SERPINA11: variants seen among roughly 807,000 people sequenced by gnomAD.
SERPINA11 encodes the protein serpin family A member 11.
In SERPINA11, 28 loss-of-function variants were observed where a neutral mutation model predicts 29.4. The observed-to-expected ratio is 0.95, with a 90% confidence interval of 0.70 to 1.30. SERPINA11 has a LOEUF of 1.30. Ranked by LOEUF, SERPINA11 falls within the 50% of genes most tolerant of loss-of-function variation. The probability of loss-of-function intolerance (pLI) is 0.00; values close to 1 mark genes in which losing one functional copy is unlikely to be tolerated. For synonymous variants in SERPINA11, 253 were observed against 206.6 expected (o/e 1.22, Z -1.92); for missense variants, 530 against 507.3 (o/e 1.04, Z -0.43).
intron 1 of SERPINA11, among the ~76,000 whole-genome samples, chr14:94,450,059 A>G (rs1956721): frequency 0.68 from 103,995 of 151,970 alleles, 39,018 homozygotes; most frequent in South Asian, 0.86. Context: ...AAGTAGCAGG[A>G]CTGATGGAGC....
At chr14:94,444,991 C>A (rs1205734903) in intron 3 of SERPINA11, among the ~76,000 whole-genome samples, 3 of 152,196 alleles carry the variant, frequency 2.0e-5, no homozygotes, top group Non-Finnish European at 4.4e-5. Flanking sequence ...CATTTCCTGC[C>A]TTTGAAATAT....
At chr14:94,451,021 T>G (rs1221218801) in intron 1 of SERPINA11, among the ~76,000 whole-genome samples, 1 of 152,212 alleles carries the variant, frequency 6.6e-6, no homozygotes, top group Non-Finnish European at 1.5e-5. Flanking sequence ...ACCGTTCCAT[T>G]CATTGCGCAG....
At chr14:94,451,178 A>G (rs17090901) in intron 1 of SERPINA11, among the ~76,000 whole-genome samples, 10,393 of 152,278 alleles carry the variant, frequency 0.068, 1,147 homozygotes, top group African/African-American at 0.23. Context: ...AAGAGAGATT[A>G]TATTTTTGCA....
At chr14:94,449,481 CTGTCT>C (rs1829127661) in intron 1 of SERPINA11, among the ~76,000 whole-genome samples, 1 of 75,074 alleles carries the variant, frequency 1.3e-5, no homozygotes, top group Admixed American at 1.3e-4. Flanking sequence ...TTCTTTCTTT[CTGTCT>C]GTCTGTCTTT....
rs1337532231 is a variant in SERPINA11, at chr14:94,448,767, G to A, written c.8C>T (p.Pro3Leu). 6.6e-7 allele frequency: 1 copy of A among 1,508,016 alleles called. No individual in the cohort carries two copies. Among genetic ancestry groups the A allele is most frequent in the Non-Finnish European group, 8.9e-7 (1 of 1,129,050 alleles). The allele number at this position is 1,508,016 out of a possible 1,614,324, so 93.4% of individuals were successfully genotyped here. ...TGTTCCCAGTAGCCAAAGCCAAGCT[G>A]GACCCATTCTCTGAAAACAAGAGGG... MG[P>L]AWLWLLGTGI... Residue 3 changes from proline to leucine, a missense_variant, in exon 2 of 5, where the codon CCA (proline) becomes CTA (leucine). By Grantham distance (98) the Pro-to-Leu change is moderately conservative. Coordinates refer to ENST00000334708, the MANE Select transcript of SERPINA11 (RefSeq NM_001080451.2).
chr14:94,445,526 A>T (rs1231280101), intron 3 of SERPINA11, among the ~76,000 whole-genome samples: 1 of 152,216 alleles, frequency 6.6e-6, no homozygotes, highest in Non-Finnish European at 1.5e-5. Flanking sequence ...TTTTTTAAAC[A>T]TGTTTTAATT....
At chr14:94,450,201 G>A (rs1485638869) in intron 1 of SERPINA11, among the ~76,000 whole-genome samples, 1 of 152,184 alleles carries the variant, frequency 6.6e-6, no homozygotes, top group Non-Finnish European at 1.5e-5. Context: ...CTGTGGGGAT[G>A]ATGTCTGTTA....
intron 1 of SERPINA11, among the ~76,000 whole-genome samples, chr14:94,449,937 C>A (rs1417355703): frequency 6.6e-6 from 1 of 152,150 alleles, no homozygotes; most frequent in African/African-American, 2.4e-5. Context: ...CGGTCAGGCC[C>A]CAAGAGAAAG....
At position 94,446,317 on chromosome 14, in the gene SERPINA11, G is replaced by A; in HGVS notation, c.917+14C>T. On this transcript the variant is annotated intron_variant, in intron 3 of 4. Transcript: ENST00000334708. ...GAGCAAGGTCAGCCAGCATCCTTCT[G>A]CTGTGACACTTACCTGGGCAGGAGC... 4 of 1,608,774 alleles carry A rather than the reference G, an allele frequency of 2.5e-6. No homozygotes were observed. The highest frequency in any genetic ancestry group is 3.4e-6 in the Non-Finnish European group (4 of 1,178,162).
intron 3 of SERPINA11, among the ~76,000 whole-genome samples, chr14:94,444,185 C>T (rs939114484): frequency 2.2e-4 from 34 of 152,102 alleles, no homozygotes; most frequent in African/African-American, 8.2e-4. Context: ...GGAATAGAGT[C>T]TAGTGGGGCA....
chr14:94,447,083 CCTT>C (rs1339309110), intron 2 of SERPINA11, among the ~76,000 whole-genome samples: 2 of 152,210 alleles, frequency 1.3e-5, no homozygotes, highest in Admixed American at 6.5e-5. Flanking sequence ...TAGACAACAA[CCTT>C]CTACAGAGAC....
At chr14:94,446,197 G>C in intron 3 of SERPINA11, 134 bp downstream of exon 3, 2 of 875,788 alleles carry the variant, frequency 2.3e-6, no homozygotes, top group Non-Finnish European at 1.8e-6. Flanking sequence ...AAATTGCCAA[G>C]ATCACACAGT....
intron 3 of SERPINA11, 41 bp from the exon 4 acceptor site, chr14:94,443,266 A>G: frequency 6.3e-7 from 1 of 1,590,496 alleles, no homozygotes; most frequent in Non-Finnish European, 8.6e-7. Context: ...CTCTCTTGTT[A>G]ATATGTGCCA....
At chr14:94,452,316 G>C (rs962390570) in intron 1 of SERPINA11, among the ~76,000 whole-genome samples, 1 of 152,110 alleles carries the variant, frequency 6.6e-6, no homozygotes, top group East Asian at 1.9e-4. Flanking sequence ...GTGAGAGCAG[G>C]AGCAAGACTC....
At chr14:94,452,648 C>CACACACACAGAGACAG (rs1231099390) in intron 1 of SERPINA11, 81 bp downstream of exon 1, 1 of 144,042 alleles carries the variant, frequency 6.9e-6, no homozygotes, top group African/African-American at 2.7e-5. Context: ...CACACACACA[C>CACACACACAGAGACAG]AGAGACAGAG....
chr14:94,446,730 A>C, intron 2 of SERPINA11, 126 bp from the exon 3 acceptor site: 1 of 903,540 alleles, frequency 1.1e-6, no homozygotes, highest in Non-Finnish European at 1.7e-6. Flanking sequence ...GAATGGTTAC[A>C]GAGCCAGGAG....
Position 94,442,755 on chromosome 14 carries a change from C to G in SERPINA11, c.1120G>C (p.Ala374Pro), listed in dbSNP as rs768932674. The G allele has an allele frequency of 6.2e-7, 1 of 1,613,300 alleles. No individual in the cohort carries two copies. The highest frequency in any genetic ancestry group is 1.1e-5 in the South Asian group (1 of 90,962). The change falls in exon 5 of 5, where the codon GCT becomes CCT. Residue 374 changes from alanine to proline, a missense_variant. Transcript: ENST00000334708. ...GGGGGCTGGGAGAGGAGGCCTGAAG[C>G]AGCCCCGGCCTCGGTCCCCTTCTCA... ...MSEKGTEAGA[A>P]SGLLSQPPSL...
chr14:94,448,386 C>A lies in SERPINA11; in HGVS notation c.389G>T (p.Ser130Ile). 2 of 1,614,154 alleles carry A rather than the reference C, an allele frequency of 1.2e-6. No homozygotes were observed. The highest frequency in any genetic ancestry group is 2.2e-5 in the South Asian group (2 of 91,082). ...TCCTACTTTTAGTTCGAGTTTGGGG[C>A]TGGGCAGGGCAAGGGTGTGGAGGAG... ...RSLLHTLALPSPKLELKVGNS... is the reference protein window; with the variant it reads ...RSLLHTLALPIPKLELKVGNS... Residue 130 changes from serine to isoleucine, a missense_variant, in exon 2 of 5, where the codon AGC (serine) becomes ATC (isoleucine). By Grantham distance (142) the Ser-to-Ile change is moderately radical (BLOSUM62 -2). Coordinates refer to ENST00000334708, the MANE Select transcript of SERPINA11 (RefSeq NM_001080451.2).
rs1898486077 is a variant in SERPINA11, at chr14:94,448,303, T to G, written c.472A>C (p.Lys158Gln). 1 of 1,614,126 alleles carries G rather than the reference T, an allele frequency of 6.2e-7. No homozygotes were observed. Among genetic ancestry groups the G allele is most frequent in the African/African-American group, 1.3e-5 (1 of 74,952 alleles). The change falls in exon 2 of 5, where the codon AAG becomes CAG. Residue 158 changes from lysine (K) to glutamine (Q), a missense_variant. Coordinates refer to ENST00000334708, the MANE Select transcript of SERPINA11 (RefSeq NM_001080451.2). ...KPRQHYLDSI[K>Q]ELYGAFAFSA... is the part of the protein sequence containing the mutation. The stretch of plus-strand genomic sequence containing the variant: ...AAAGCAAAAGCTCCATAAAGCTCCT[T>G]GATGCTGTCCAAATAGTGCTGCCGA...
Sources: gnomAD v4.1 joint callset for allele counts (sites outside exome capture counted in the v4.1 genomes callset) on GRCh38, gnomAD v4.1.1 for gene constraint, MANE v1.5 for transcripts, NCBI Gene and HGNC (gene_info 2026-07-23, HGNC 2026-07-21) for gene names.